Variants in STX7 observed in about 807,000 individuals in gnomAD.
The protein encoded by STX7 is syntaxin-7.
Under a neutral mutation model 39.6 loss-of-function variants are expected in STX7, and 34 were observed. That is an observed-to-expected ratio of 0.86 (90% CI 0.65 to 1.14). The LOEUF is 1.14. STX7 is among the 50% of genes most tolerant of loss of function. STX7 has a pLI of 0.00. For missense variants in STX7, 284 were observed against 310.4 expected (o/e 0.92, Z 0.64); for synonymous variants, 119 against 99.1 (o/e 1.20, Z -1.19).
At chr6:132,466,062 G>T (rs1374524295) in intron 8 of STX7, among the ~76,000 whole-genome samples, 2 of 152,156 alleles carry the variant, frequency 1.3e-5, no homozygotes, top group Non-Finnish European at 2.9e-5. Context: ...CTCCTTGAAA[G>T]AGTTATCTAT....
chr6:132,461,787 T>C, intron 9 of STX7: 1 of 1,493,484 alleles, frequency 6.7e-7, no homozygotes, highest in Admixed American at 2.2e-5. Context: ...TTTGTTCCGT[T>C]CTTCATTCCT....
At chr6:132,510,153 A>G (rs1468342662) in intron 1 of STX7, among the ~76,000 whole-genome samples, 1 of 152,226 alleles carries the variant, frequency 6.6e-6, no homozygotes, top group African/African-American at 2.4e-5. Context: ...AATGAAGTCT[A>G]GTGTTCTATA....
intron 2 of STX7, among the ~76,000 whole-genome samples, chr6:132,490,740 G>A (rs1016289260): frequency 6.6e-5 from 10 of 152,054 alleles, no homozygotes; most frequent in Admixed American, 2.0e-4. Context: ...GAGAAGCACC[G>A]GGGACTCTGC....
At chr6:132,496,340 G>A (rs1775419715) in intron 2 of STX7, among the ~76,000 whole-genome samples, 2 of 152,118 alleles carry the variant, frequency 1.3e-5, no homozygotes, top group Non-Finnish European at 2.9e-5. Flanking sequence ...AGGAGTTAGG[G>A]AAATTTTTAT....
intron 2 of STX7, among the ~76,000 whole-genome samples, chr6:132,482,498 T>C (rs958827481): frequency 2.6e-5 from 4 of 152,346 alleles, no homozygotes; most frequent in East Asian, 1.9e-4. Flanking sequence ...CCAAAAACTA[T>C]AGCTATTTAG....
rs1279754094 is a variant in STX7, at chr6:132,454,886, G to T, written c.*5872C>A. Reference sequence around the variant, plus strand: ...TAGCAAATTTTGGTATATACCCACTGCAAAATAGTACTTAAATGTTAAAAC... The same window carrying T: ...TAGCAAATTTTGGTATATACCCACTTCAAAATAGTACTTAAATGTTAAAAC... On this transcript the variant is annotated 3_prime_UTR_variant, in exon 10 of 10. Transcript: ENST00000367941. 2 of 152,112 alleles carry T rather than the reference G, an allele frequency of 1.3e-5. No individual in the cohort carries two copies. Among genetic ancestry groups the T allele is most frequent in the Non-Finnish European group, 2.9e-5 (2 of 68,018 alleles). 9.4% of individuals were successfully genotyped at this position (152,112 alleles called of 1,614,324 possible).
At chr6:132,464,116 G>T in intron 8 of STX7, 41 bp from the exon 9 acceptor site, 1 of 1,534,692 alleles carries the variant, frequency 6.5e-7, no homozygotes, top group African/African-American at 1.4e-5. Flanking sequence ...GTTAAACATG[G>T]ATTGATGCTC....
At chr6:132,474,801 T>C (rs2114389228) in intron 3 of STX7, among the ~76,000 whole-genome samples, 1 of 152,344 alleles carries the variant, frequency 6.6e-6, no homozygotes. Context: ...CTATGACTGC[T>C]GGTCTTCTAA....
At chr6:132,503,658 T>C in intron 1 of STX7, 70 bp from the exon 2 acceptor site, 1 of 666,192 alleles carries the variant, frequency 1.5e-6, no homozygotes, top group East Asian at 2.8e-5. Flanking sequence ...ATTAACAATC[T>C]GTGAAGTTAC....
chr6:132,499,732 G>A (rs952370716), intron 2 of STX7, among the ~76,000 whole-genome samples: 4 of 151,660 alleles, frequency 2.6e-5, no homozygotes, highest in Non-Finnish European at 4.4e-5. Flanking sequence ...TCACTCTTAC[G>A]TGATTACTTT....
rs377316068 is a variant in STX7 at position 132,485,341 on chromosome 6, A to G, written c.86-9679T>C. The stretch of plus-strand genomic sequence containing the variant: ...TGGCTTAAGTTAGCCTAATTATTTT[A>G]TGATTCATCCATGCTGTGTATATCA... On this transcript the variant is annotated intron_variant, in intron 2 of 9. Coordinates refer to ENST00000367941, the MANE Select transcript of STX7 (RefSeq NM_003569.3). Among the ~76,000 whole-genome samples the G allele has an allele frequency of 4.6e-5, 7 of 152,326 alleles. No homozygotes were observed. In the South Asian group the frequency reaches 1.0e-3, roughly 23 times the overall value.
In STX7 at chr6:132,453,784, T is replaced by C. The variant is rs1272318965; in HGVS notation, c.*6974A>G. The C allele has an allele frequency of 6.6e-6, 1 of 151,936 alleles. No individual in the cohort carries two copies. The highest frequency in any genetic ancestry group is 1.9e-4 in the East Asian group (1 of 5,194). 9.4% of individuals were successfully genotyped at this position (151,936 alleles called of 1,614,324 possible). ...AAAATAAAAAAGAGACACCACCAAA[T>C]GCTGAAAAGGACATGAAGCAACTAG... On this transcript the variant is annotated 3_prime_UTR_variant, in exon 10 of 10. Coordinates refer to ENST00000367941, the MANE Select transcript of STX7 (RefSeq NM_003569.3).
At chr6:132,470,500 T>C in intron 6 of STX7, 74 bp downstream of exon 6, 1 of 1,102,342 alleles carries the variant, frequency 9.1e-7, no homozygotes, top group Non-Finnish European at 1.3e-6. Flanking sequence ...AAGCTTTAAT[T>C]CTGTTCCAGG....
Position 132,465,327 on chromosome 6 carries a change from C to A in STX7, c.611-1252G>T, listed in dbSNP as rs1006844674. Among the ~76,000 whole-genome samples, 3 of 148,580 alleles carry A rather than the reference C, an allele frequency of 2.0e-5. No homozygotes were observed. In the East Asian group the frequency reaches 6.1e-4, roughly 30 times the overall value. ...GCTCACTCCTTCTAATTCCCTGGCT[C>A]CAACAATTTTCAACTTTCATTGATC... On this transcript the variant is annotated intron_variant, in intron 8 of 9. Transcript: ENST00000367941.
intron 2 of STX7, 70 bp from the exon 3 acceptor site, chr6:132,475,732 T>C: frequency 1.9e-6 from 2 of 1,079,218 alleles, no homozygotes; most frequent in Non-Finnish European, 2.7e-6. Context: ...TAAAAATTAA[T>C]ATGTACAAGC....
intron 9 of STX7, among the ~76,000 whole-genome samples, chr6:132,462,308 T>C (rs1156782011): frequency 6.6e-6 from 1 of 152,226 alleles, no homozygotes; most frequent in Non-Finnish European, 1.5e-5. Context: ...TTCTCAGCAC[T>C]TGTGCTGCAT....
intron 2 of STX7, among the ~76,000 whole-genome samples, chr6:132,480,450 T>C (rs192670598): frequency 6.6e-6 from 1 of 152,294 alleles, no homozygotes. Context: ...TTACACCTAA[T>C]TATCCATTTG....
chr6:132,491,267 T>A (rs1775278358), intron 2 of STX7, among the ~76,000 whole-genome samples: 1 of 147,858 alleles, frequency 6.8e-6, no homozygotes, highest in Admixed American at 6.7e-5. Flanking sequence ...ACCCACAGGA[T>A]TAAAAGAAAA....
chr6:132,469,836 C>A lies in STX7; in HGVS notation c.537+115G>T. The A allele has an allele frequency of 1.2e-5, 10 of 827,912 alleles. 1 individual carries two copies. The Middle Eastern group carries it at 1.6e-3, about 132-fold the overall frequency. 51.3% of individuals were successfully genotyped at this position (827,912 alleles called of 1,614,324 possible). Reference sequence around the variant, plus strand: ...CCTGGGTGACAGAGGGAGACTGTCTCAAAAAGAAAACAAAATTTTTCTGTC... The same window carrying A: ...CCTGGGTGACAGAGGGAGACTGTCTAAAAAAGAAAACAAAATTTTTCTGTC... On this transcript the variant is annotated intron_variant, in intron 7 of 9. Transcript: ENST00000367941.
Sources: gnomAD v4.1 joint callset for allele counts (sites outside exome capture counted in the v4.1 genomes callset) on GRCh38, gnomAD v4.1.1 for gene constraint, MANE v1.5 for transcripts, NCBI Gene and HGNC (gene_info 2026-07-23, HGNC 2026-07-21) for gene names.